Variants in PEPD observed in about 807,000 individuals in gnomAD.
PEPD encodes the protein xaa-Pro dipeptidase.
PEPD carries 53 observed loss-of-function variants against 60.7 expected under a neutral mutation model. The observed-to-expected ratio is 0.87, with a 90% CI of 0.70 to 1.10. PEPD has a LOEUF of 1.10. Ranked by LOEUF, PEPD falls within the 50% of genes least tolerant of loss-of-function variation. The pLI, the probability that PEPD is intolerant of heterozygous loss-of-function variation, is 0.00. For synonymous variants in PEPD, 267 were observed against 284.1 expected (o/e 0.94, Z 0.60); for missense variants, 711 against 711.9 (o/e 1.00, Z 0.01).
At chr19:33,437,845 C>T (rs1969408247) in intron 9 of PEPD, among the ~76,000 whole-genome samples, 1 of 152,166 alleles carries the variant, frequency 6.6e-6, no homozygotes, top group Non-Finnish European at 1.5e-5. Flanking sequence ...TTTTTCTCAA[C>T]CCTCGCCAGT....
chr19:33,428,340 C>A (rs1969195996), intron 9 of PEPD, among the ~76,000 whole-genome samples: 2 of 152,150 alleles, frequency 1.3e-5, no homozygotes, highest in South Asian at 4.1e-4. Flanking sequence ...TCTTCCAGGA[C>A]CCACAGCAAC....
chr19:33,519,544 A>G (rs533314539), intron 1 of PEPD, among the ~76,000 whole-genome samples: 19 of 152,214 alleles, frequency 1.2e-4, no homozygotes, highest in African/African-American at 2.4e-4. Flanking sequence ...CTTTGCGGGA[A>G]ACACACTTAA....
chr19:33,397,178 G>A (rs117490768), intron 12 of PEPD, among the ~76,000 whole-genome samples: 2,283 of 152,260 alleles, frequency 0.015, 24 homozygotes, highest in Non-Finnish European at 0.024. Context: ...CTCCTTCCTC[G>A]CCGACTGTGA....
At chr19:33,389,497 T>TA (rs1555750729) in intron 13 of PEPD, among the ~76,000 whole-genome samples, 2 of 151,814 alleles carry the variant, frequency 1.3e-5, no homozygotes, top group East Asian at 3.9e-4. Context: ...TGTGCTGGGC[T>TA]CCCCCACCCC....
intron 1 of PEPD, among the ~76,000 whole-genome samples, chr19:33,514,582 C>G (rs1376037223): frequency 6.6e-6 from 1 of 151,948 alleles, no homozygotes; most frequent in East Asian, 2.0e-4. Flanking sequence ...CAGAGGCCAA[C>G]CTACCCGACC....
chr19:33,402,467 C>T (rs1053593127), intron 11 of PEPD, among the ~76,000 whole-genome samples: 2 of 152,208 alleles, frequency 1.3e-5, no homozygotes, highest in Non-Finnish European at 2.9e-5. Context: ...ACTCAGTCGG[C>T]GGCTAGGGCC....
intron 12 of PEPD, among the ~76,000 whole-genome samples, chr19:33,397,720 C>T (rs1416878825): frequency 6.6e-6 from 1 of 152,136 alleles, no homozygotes; most frequent in Non-Finnish European, 1.5e-5. Flanking sequence ...TGGGGGAGGA[C>T]CTGCCTCCCA....
chr19:33,408,037 C>T (rs567969503), intron 11 of PEPD, among the ~76,000 whole-genome samples: 77 of 152,332 alleles, frequency 5.1e-4, no homozygotes, highest in African/African-American at 1.8e-3. Flanking sequence ...GGTTCATAGG[C>T]CCTCTTGGAC....
intron 11 of PEPD, among the ~76,000 whole-genome samples, chr19:33,408,669 G>A (rs1968695912): frequency 6.6e-6 from 1 of 152,184 alleles, no homozygotes; most frequent in South Asian, 2.1e-4. Context: ...CCCAGTCAAA[G>A]GACTAAAACC....
At chr19:33,430,865 C>T (rs943630183) in intron 9 of PEPD, among the ~76,000 whole-genome samples, 3 of 152,106 alleles carry the variant, frequency 2.0e-5, no homozygotes, top group Non-Finnish European at 2.9e-5. Flanking sequence ...CGCAAGTGCA[C>T]GCCGTCTGCC....
rs189550632 is a variant in PEPD at position 33,420,074 on chromosome 19, A to G, written c.672-6431T>C. Among the ~76,000 whole-genome samples, 28 of 152,384 alleles carry G rather than the reference A, an allele frequency of 1.8e-4. No homozygotes were observed. In the East Asian group the frequency reaches 5.0e-3, roughly 27 times the overall value. Reference sequence around the variant, plus strand: ...ATTCTAAATTGCCTATCTTGTATTAAGCATAACTGAGGACATAACATGACA... The same window carrying G: ...ATTCTAAATTGCCTATCTTGTATTAGGCATAACTGAGGACATAACATGACA... On this transcript the variant is annotated intron_variant, in intron 9 of 14. Coordinates refer to ENST00000244137, the MANE Select transcript of PEPD (RefSeq NM_000285.4).
chr19:33,481,527 T>C (rs552472185), intron 6 of PEPD, among the ~76,000 whole-genome samples: 1 of 151,744 alleles, frequency 6.6e-6, no homozygotes, highest in Non-Finnish European at 1.5e-5. Flanking sequence ...GATCGTGCCA[T>C]TGCACTCCAG....
intron 9 of PEPD, among the ~76,000 whole-genome samples, chr19:33,448,199 G>A (rs922014025): frequency 1.3e-5 from 2 of 152,182 alleles, no homozygotes; most frequent in East Asian, 1.9e-4. Flanking sequence ...TCTAAAAACC[G>A]GCACCAAACC....
At chr19:33,435,473 A>G (rs1969356275) in intron 9 of PEPD, among the ~76,000 whole-genome samples, 1 of 152,202 alleles carries the variant, frequency 6.6e-6, no homozygotes, top group Non-Finnish European at 1.5e-5. Context: ...AGGTGCCAGG[A>G]GGTGAGGGGC....
chr19:33,472,732 G>A (rs984541506), intron 7 of PEPD, among the ~76,000 whole-genome samples: 1 of 152,178 alleles, frequency 6.6e-6, no homozygotes, highest in African/African-American at 2.4e-5. Context: ...CAGCCTCTAA[G>A]CATCAAAGTG....
At chr19:33,439,407 G>A (rs1969442041) in intron 9 of PEPD, among the ~76,000 whole-genome samples, 1 of 152,242 alleles carries the variant, frequency 6.6e-6, no homozygotes, top group African/African-American at 2.4e-5. Context: ...AGAGGGGCCA[G>A]ACCTCAGGCA....
chr19:33,412,982 G>C (rs11668968), intron 10 of PEPD, among the ~76,000 whole-genome samples: 25,049 of 152,134 alleles, frequency 0.16, 2,121 homozygotes, highest in African/African-American at 0.19. Flanking sequence ...CCATGTGTGT[G>C]CCTCCAAGCA....
intron 3 of PEPD, 26 bp from the exon 4 acceptor site, chr19:33,501,027 AG>A: frequency 6.9e-7 from 1 of 1,459,456 alleles, no homozygotes; most frequent in Non-Finnish European, 9.6e-7. Flanking sequence ...AAGGAATATC[AG>A]GGTCAGGGCT....
intron 3 of PEPD, among the ~76,000 whole-genome samples, chr19:33,510,115 CTCAGGCATTT>C (rs924377146): frequency 6.6e-6 from 1 of 152,232 alleles, no homozygotes; most frequent in Non-Finnish European, 1.5e-5. Context: ...GGGCCAAACC[CTCAGGCATTT>C]TCACAGACGG....
Sources: allele counts gnomAD v4.1 joint callset (sites outside exome capture counted in the v4.1 genomes callset), GRCh38; gene constraint gnomAD v4.1.1; transcripts MANE v1.5; gene names NCBI Gene and HGNC (gene_info 2026-07-23, HGNC 2026-07-21).